The following OXR1 variants were observed in gnomAD, a reference collection of about 807,000 sequenced individuals.
OXR1 encodes the protein oxidation resistance 1.
OXR1 carries 41 observed loss-of-function variants against 104.6 expected under a neutral mutation model. That is an observed-to-expected ratio of 0.39 (90% CI 0.31 to 0.51). OXR1 has a LOEUF of 0.51. Among genes scored for constraint, OXR1 ranks in the 20% least tolerant of loss-of-function variants. OXR1 has a pLI of 0.77. For synonymous variants in OXR1, 348 were observed against 348.4 expected, an observed-to-expected ratio of 1.00 and a Z score of 0.01; for missense variants, 955 against 1,031.9, an observed-to-expected ratio of 0.93 and a Z score of 1.02.
chr8:106,484,283 CAA>C (rs1408198567), intron 2 of OXR1, among the ~76,000 whole-genome samples: 3 of 151,766 alleles, frequency 2.0e-5, no homozygotes, highest in Non-Finnish European at 4.4e-5. Context: ...TTCAAAATAA[CAA>C]AAAGAGTAGA....
intron 3 of OXR1, among the ~76,000 whole-genome samples, chr8:106,668,186 A>G (rs1159273104): frequency 6.6e-6 from 1 of 151,992 alleles, no homozygotes; most frequent in Non-Finnish European, 1.5e-5. Context: ...ATAACTTATT[A>G]TTGTTCTATA....
intron 2 of OXR1, among the ~76,000 whole-genome samples, chr8:106,494,420 A>G (rs1368529989): frequency 6.6e-6 from 1 of 152,096 alleles, no homozygotes; most frequent in East Asian, 1.9e-4. Flanking sequence ...ACCTTTCACC[A>G]CACACACAGT....
chr8:106,570,774 C>G (rs1323924175), intron 3 of OXR1, among the ~76,000 whole-genome samples: 1 of 152,136 alleles, frequency 6.6e-6, no homozygotes, highest in East Asian at 1.9e-4. Context: ...GCTGTCCAAT[C>G]TAAATAGCCA....
chr8:106,427,330 C>A (rs1265280431), intron 2 of OXR1, among the ~76,000 whole-genome samples: 1 of 151,902 alleles, frequency 6.6e-6, no homozygotes, highest in Non-Finnish European at 1.5e-5. Context: ...CCACGTCCGG[C>A]AAATTTTTTT....
chr8:106,300,711 C>T (rs756039732), intron 1 of OXR1, among the ~76,000 whole-genome samples: 14 of 152,082 alleles, frequency 9.2e-5, no homozygotes, highest in Admixed American at 5.2e-4. Flanking sequence ...GCTAGGAAAA[C>T]CATCATTGCT....
At chr8:106,322,864 C>T (rs1426314748) in intron 1 of OXR1, among the ~76,000 whole-genome samples, 5 of 152,174 alleles carry the variant, frequency 3.3e-5, no homozygotes, top group African/African-American at 1.2e-4. Context: ...AATTACAAAA[C>T]ACTCCTCAAA....
chr8:106,537,173 C>G (rs1814601266), intron 3 of OXR1, among the ~76,000 whole-genome samples: 1 of 152,042 alleles, frequency 6.6e-6, no homozygotes, highest in South Asian at 2.1e-4. Flanking sequence ...AACTACCTCC[C>G]AAAGGCCTCA....
At chr8:106,465,390 G>A (rs2130660430) in intron 2 of OXR1, among the ~76,000 whole-genome samples, 1 of 152,112 alleles carries the variant, frequency 6.6e-6, no homozygotes, top group Non-Finnish European at 1.5e-5. Context: ...CAGCCTTGTA[G>A]TTCATTGCAG....
intron 3 of OXR1, among the ~76,000 whole-genome samples, chr8:106,611,941 C>CA (rs11443787): frequency 0.34 from 51,337 of 150,212 alleles, 8,994 homozygotes; most frequent in African/African-American, 0.42. Context: ...CACATAAAAA[C>CA]AAAAAAAAAA....
At chr8:106,608,794 C>G (rs1046042195) in intron 3 of OXR1, among the ~76,000 whole-genome samples, 1 of 152,104 alleles carries the variant, frequency 6.6e-6, no homozygotes, top group Admixed American at 6.5e-5. Flanking sequence ...CAGAAGTATT[C>G]CTATAAATAA....
At chr8:106,733,483 A>C (rs1489382406) in intron 11 of OXR1, among the ~76,000 whole-genome samples, 1 of 152,046 alleles carries the variant, frequency 6.6e-6, no homozygotes, top group Non-Finnish European at 1.5e-5. Flanking sequence ...TTTCTGCTCT[A>C]ATTTTATTTT....
chr8:106,552,951 A>G (rs1815964532), intron 3 of OXR1, among the ~76,000 whole-genome samples: 1 of 152,206 alleles, frequency 6.6e-6, no homozygotes, highest in Admixed American at 6.5e-5. Context: ...CATCCTGGAT[A>G]ACAAAGACTG....
At chr8:106,441,673 C>G (rs1341376975) in intron 2 of OXR1, among the ~76,000 whole-genome samples, 1 of 151,960 alleles carries the variant, frequency 6.6e-6, no homozygotes, top group Non-Finnish European at 1.5e-5. Flanking sequence ...ATTCTCTTTG[C>G]AGTGATTGTG....
chr8:106,613,131 C>G (rs1428614609), intron 3 of OXR1, among the ~76,000 whole-genome samples: 1 of 151,924 alleles, frequency 6.6e-6, no homozygotes, highest in East Asian at 1.9e-4. Context: ...CTAGGGAAAA[C>G]AGAACTTTGG....
In OXR1 at chr8:106,750,482, C is replaced by T. The variant is rs559188141; in HGVS notation, c.2487-324C>T. Among the ~76,000 whole-genome samples, 373 of 152,004 alleles carry T rather than the reference C, an allele frequency of 2.5e-3. 1 individual carries two copies. Among genetic ancestry groups the T allele is most frequent in the African/African-American group, 7.6e-3 (314 of 41,488 alleles). ...CTGGGATTACAGGCATGTGCCACCGCGCCTGGCTAATTTTTTTTGTATTTT... is the reference window on the plus strand; with the variant it reads ...CTGGGATTACAGGCATGTGCCACCGTGCCTGGCTAATTTTTTTTGTATTTT... On this transcript the variant is annotated intron_variant, in intron 16 of 16. Transcript: ENST00000517566.
intron 10 of OXR1, among the ~76,000 whole-genome samples, chr8:106,713,364 A>G (rs1024894362): frequency 6.6e-6 from 1 of 151,912 alleles, no homozygotes; most frequent in Non-Finnish European, 1.5e-5. Flanking sequence ...TCAACACTGT[A>G]TGTTCCTAGT....
chr8:106,625,720 C>G (rs941750339), intron 3 of OXR1, among the ~76,000 whole-genome samples: 11 of 152,174 alleles, frequency 7.2e-5, no homozygotes, highest in African/African-American at 2.4e-4. Flanking sequence ...GCTTAGCCAT[C>G]TTAGTCACTA....
At chr8:106,274,412 C>G (rs1397981772) in intron 1 of OXR1, among the ~76,000 whole-genome samples, 1 of 152,216 alleles carries the variant, frequency 6.6e-6, no homozygotes. Context: ...TTCTGTCTCA[C>G]CATTCCACCC....
At chr8:106,720,757 C>G (rs138693810) in intron 11 of OXR1, 2 of 915,758 alleles carry the variant, frequency 2.2e-6, no homozygotes, top group African/African-American at 3.6e-5. Context: ...AGTCAATGAT[C>G]TTTGAACTTT....
Sources: gnomAD v4.1 joint callset for allele counts (sites outside exome capture counted in the v4.1 genomes callset) on GRCh38, gnomAD v4.1.1 for gene constraint, MANE v1.5 for transcripts, NCBI Gene and HGNC (gene_info 2026-07-23, HGNC 2026-07-21) for gene names.